The following ALPK1 variants were observed in gnomAD, a reference collection of about 807,000 sequenced individuals.
ALPK1 encodes alpha kinase 1.
A neutral mutation model predicts 120.6 loss-of-function variants in ALPK1; 110 were observed. The ratio of observed to expected loss-of-function variants is 0.91; its 90% confidence interval spans 0.78 to 1.07. The LOEUF (loss-of-function observed/expected upper bound fraction) is 1.07. ALPK1 is among the 50% of genes least tolerant of loss of function. The pLI, the probability that ALPK1 is intolerant of heterozygous loss-of-function variation, is 0.00. For synonymous variants in ALPK1, 582 were observed against 560.3 expected (o/e 1.04, Z -0.55); for missense variants, 1,498 against 1,483.9 (o/e 1.01, Z -0.16).
At chr4:112,362,340 G>T (rs1730952261) in intron 2 of ALPK1, among the ~76,000 whole-genome samples, 1 of 152,092 alleles carries the variant, frequency 6.6e-6, no homozygotes, top group South Asian at 2.1e-4. Flanking sequence ...TCAAAAAAAT[G>T]ATACAAGATA....
chr4:112,397,523 C>T (rs949726729), intron 4 of ALPK1, among the ~76,000 whole-genome samples: 7 of 152,144 alleles, frequency 4.6e-5, no homozygotes. Flanking sequence ...AAATCGAGAC[C>T]TCTACGTCTT....
At chr4:112,358,564 C>T in intron 2 of ALPK1, 1 of 701,868 alleles carries the variant, frequency 1.4e-6, no homozygotes, top group Admixed American at 2.1e-5. Context: ...AGGAGCCAGA[C>T]CCTGCCTGGC....
Position 112,430,836 on chromosome 4 carries a change from G to T in ALPK1, c.1289G>T (p.Arg430Ile). 1 of 1,614,178 alleles carries T rather than the reference G, an allele frequency of 6.2e-7. No homozygotes were observed. The highest frequency in any genetic ancestry group is 2.2e-5 in the East Asian group (1 of 44,890). ...CAAAGCTTCTCAAATGTAGATGACA[G>T]ATCTTATGTTCCCGAGAGTTTCGAG... ...QVQSFSNVDD[R>I]SYVPESFECR... Residue 430 changes from arginine (R) to isoleucine (I), a missense_variant, in exon 11 of 16, where the codon AGA (arginine) becomes ATA (isoleucine). Coordinates refer to ENST00000650871, the MANE Select transcript of ALPK1 (RefSeq NM_025144.4).
chr4:112,382,799 T>C, intron 4 of ALPK1: 1 of 434,544 alleles, frequency 2.3e-6, no homozygotes, highest in Non-Finnish European at 4.1e-6. Context: ...ATGAACCCTG[T>C]CATCTTGAAA....
intron 4 of ALPK1, among the ~76,000 whole-genome samples, chr4:112,401,210 A>G (rs1419927244): frequency 1.3e-5 from 2 of 152,218 alleles, no homozygotes; most frequent in African/African-American, 4.8e-5. Flanking sequence ...CAGAGGCAGA[A>G]AAAGGGAGAG....
intron 2 of ALPK1, among the ~76,000 whole-genome samples, chr4:112,325,771 A>C (rs1241972119): frequency 2.0e-5 from 3 of 152,170 alleles, no homozygotes; most frequent in African/African-American, 7.2e-5. Flanking sequence ...TCCAGGGTTC[A>C]CAAATGTTTC....
intron 2 of ALPK1, among the ~76,000 whole-genome samples, chr4:112,360,527 G>A (rs1730867956): frequency 6.6e-6 from 1 of 152,168 alleles, no homozygotes; most frequent in Non-Finnish European, 1.5e-5. Context: ...ATATGGGAGT[G>A]CAGAAATCTC....
chr4:112,426,446 C>T (rs377238743), intron 7 of ALPK1, 21 bp from the exon 8 acceptor site: 44 of 1,586,706 alleles, frequency 2.8e-5, no homozygotes, highest in Middle Eastern at 3.3e-4. Context: ...TCCCTCTCCC[C>T]GCCCCTCTTT....
intron 4 of ALPK1, among the ~76,000 whole-genome samples, chr4:112,391,834 C>G (rs541245161): frequency 6.6e-6 from 1 of 152,268 alleles, no homozygotes; most frequent in East Asian, 1.9e-4. Flanking sequence ...AGTTTATGGC[C>G]TTCTCAGGAA....
intron 2 of ALPK1, among the ~76,000 whole-genome samples, chr4:112,334,916 A>C (rs1045472374): frequency 1.3e-5 from 2 of 152,238 alleles, no homozygotes; most frequent in South Asian, 4.1e-4. Flanking sequence ...GTCTTGGATT[A>C]GCTTTTGCCA....
At chr4:112,336,224 C>A (rs1370563701) in intron 2 of ALPK1, among the ~76,000 whole-genome samples, 1 of 152,028 alleles carries the variant, frequency 6.6e-6, no homozygotes, top group African/African-American at 2.4e-5. Context: ...CTAGTGATCC[C>A]AGCAGAAAAG....
At chr4:112,340,741 T>G (rs1017734985) in intron 2 of ALPK1, among the ~76,000 whole-genome samples, 3 of 152,264 alleles carry the variant, frequency 2.0e-5, no homozygotes, top group African/African-American at 7.2e-5. Flanking sequence ...CTTCATAATT[T>G]TCCACATAGT....
chr4:112,353,868 CAAATAAATAAAT>C (rs150299871), intron 2 of ALPK1, among the ~76,000 whole-genome samples: 17 of 148,812 alleles, frequency 1.1e-4, no homozygotes, highest in Admixed American at 4.0e-4. Context: ...GACTCTGTCT[CAAATAAATAAAT>C]AAATAAATAA....
intron 2 of ALPK1, among the ~76,000 whole-genome samples, chr4:112,367,712 C>T (rs894316982): frequency 2.6e-5 from 4 of 152,210 alleles, no homozygotes; most frequent in Non-Finnish European, 5.9e-5. Flanking sequence ...CCAAATGGTT[C>T]TACTGCTGCT....
intron 4 of ALPK1, among the ~76,000 whole-genome samples, chr4:112,409,025 A>G (rs913589013): frequency 6.6e-6 from 1 of 152,160 alleles, no homozygotes; most frequent in Non-Finnish European, 1.5e-5. Flanking sequence ...CCATTCTTGG[A>G]TCTTCCCTTG....
At chr4:112,412,752 A>C (rs920642282) in intron 5 of ALPK1, among the ~76,000 whole-genome samples, 46 of 152,240 alleles carry the variant, frequency 3.0e-4, no homozygotes, top group African/African-American at 1.0e-3. Context: ...GGATGAAAAG[A>C]GAAGGCAAGT....
intron 1 of ALPK1, among the ~76,000 whole-genome samples, chr4:112,314,085 A>T (rs1275569232): frequency 3.9e-5 from 6 of 152,230 alleles, no homozygotes; most frequent in African/African-American, 1.4e-4. Flanking sequence ...ATAGAAACAC[A>T]GTTGGACTTA....
At chr4:112,340,145 C>T (rs1729795201) in intron 2 of ALPK1, among the ~76,000 whole-genome samples, 1 of 152,158 alleles carries the variant, frequency 6.6e-6, no homozygotes, top group Non-Finnish European at 1.5e-5. Flanking sequence ...AGTGATGCAG[C>T]GATGGCAAGA....
At chr4:112,404,239 G>A (rs748300664) in intron 4 of ALPK1, among the ~76,000 whole-genome samples, 8 of 152,218 alleles carry the variant, frequency 5.3e-5, no homozygotes, top group Admixed American at 6.5e-5. Flanking sequence ...AACTTCCACT[G>A]AAACTCACTT....
Sources: allele counts gnomAD v4.1 joint callset (sites outside exome capture counted in the v4.1 genomes callset), GRCh38; gene constraint gnomAD v4.1.1; transcripts MANE v1.5; gene names NCBI Gene and HGNC (gene_info 2026-07-23, HGNC 2026-07-21).